Variants in LAMA1 observed in about 807,000 individuals in gnomAD.
LAMA1 encodes the protein laminin subunit alpha 1.
LAMA1 carries 219 observed loss-of-function variants against 348.7 expected under a neutral mutation model. The observed-to-expected ratio is 0.63, with a 90% CI of 0.56 to 0.70. LAMA1 has a LOEUF of 0.70. LAMA1 is among the 30% of genes least tolerant of loss of function. LAMA1 has a pLI of 0.00. For synonymous variants in LAMA1, 1,487 were observed against 1,491.0 expected, an observed-to-expected ratio of 1.00 and a Z score of 0.06; for missense variants, 3,744 against 3,888.0, an observed-to-expected ratio of 0.96 and a Z score of 0.99.
intron 7 of LAMA1, among the ~76,000 whole-genome samples, chr18:7,044,130 T>G (rs370821662): frequency 3.2e-4 from 40 of 123,560 alleles, no homozygotes; most frequent in African/African-American, 1.3e-3. Flanking sequence ...GCCACTGCAC[T>G]CCAGCGTAGG....
At chr18:6,997,120 G>A (rs1040617396) in intron 33 of LAMA1, among the ~76,000 whole-genome samples, 7 of 152,092 alleles carry the variant, frequency 4.6e-5, no homozygotes, top group African/African-American at 1.7e-4. Flanking sequence ...CTGGAGTGCA[G>A]TGGTGTGATC....
Position 6,986,231 on chromosome 18 carries a change from T to G in LAMA1, c.5285A>C (p.Lys1762Thr), listed in dbSNP as rs775323821. ...TTCCCTCACGAGCGCCTCAGCCGCCTTTAGTTCATTGTTGTGCTTTGAAAG... is the reference window on the plus strand; with the variant it reads ...TTCCCTCACGAGCGCCTCAGCCGCCGTTAGTTCATTGTTGTGCTTTGAAAG... Reference protein sequence around the residue: ...HVLSKHNNELKAAEALVREAE... With the variant: ...HVLSKHNNELTAAEALVREAE... Residue 1762 changes from lysine to threonine, a missense_variant, in exon 37 of 63, where the codon AAG (lysine) becomes ACG (threonine). Physicochemically the swap from Lys to Thr is moderately conservative, Grantham distance 78. Around this residue, in one of 3 missense-constraint regions of LAMA1, gnomAD observed 1,983 missense variants for 1,934.3 expected, o/e 1.03. Transcript: ENST00000389658. 1 of 1,614,196 alleles carries G rather than the reference T, an allele frequency of 6.2e-7. No homozygotes were observed. Among genetic ancestry groups the G allele is most frequent in the South Asian group, 1.1e-5 (1 of 91,088 alleles).
In LAMA1 at chr18:6,977,861, CT is replaced by C; in HGVS notation, c.6210del (p.Val2071SerfsTer15). On this transcript the variant is annotated frameshift_variant, in exon 44 of 63. Coordinates refer to ENST00000389658, the MANE Select transcript of LAMA1 (RefSeq NM_005559.4). LOFTEE classifies it high-confidence loss of function. ...STMATLLAGRKVKDVEIQANL... is the reference protein window; with the variant it reads ...STMATLLAGRXVKDVEIQANL... ...TTGGCTTGAATTTCCACGTCTTTGA[CT>C]TTTCTTCCAGCCAACAGAGCTAACA... 6.2e-7 allele frequency: 1 copy of C among 1,613,116 alleles called. No individual in the cohort carries two copies.
In LAMA1 at chr18:6,986,176, G is replaced by C. The variant is rs757241897; in HGVS notation, c.5340C>G (p.His1780Gln). The change falls in exon 37 of 63, where the codon CAC (histidine) becomes CAG (glutamine). Residue 1780 changes from histidine (H) to glutamine (Q), a missense_variant. By Grantham distance (24) the His-to-Gln change is conservative. This residue lies in a region of LAMA1 where 1,983 missense variants were observed against 1,934.3 expected (regional missense o/e 1.03). Transcript: ENST00000389658. ...EAEAKMQESNHLLLMVNANLR... is the reference protein window; with the variant it reads ...EAEAKMQESNQLLLMVNANLR... ...GATTAGCATTGACCATGAGCAGCAGGTGGTTGCTTTCCTGCATCTTTGCCT... is the reference window on the plus strand; with the variant it reads ...GATTAGCATTGACCATGAGCAGCAGCTGGTTGCTTTCCTGCATCTTTGCCT... The C allele has an allele frequency of 6.2e-7, 1 of 1,614,224 alleles. No homozygotes were observed. Among genetic ancestry groups the C allele is most frequent in the South Asian group, 1.1e-5 (1 of 91,080 alleles).
At chr18:7,098,833 G>A (rs1472908446) in intron 1 of LAMA1, among the ~76,000 whole-genome samples, 2 of 129,170 alleles carry the variant, frequency 1.5e-5, no homozygotes, top group Non-Finnish European at 3.4e-5. Context: ...CGCCCCGTCC[G>A]GGAGGGAGGT....
At chr18:7,059,682 T>G (rs927267513) in intron 3 of LAMA1, among the ~76,000 whole-genome samples, 12 of 152,160 alleles carry the variant, frequency 7.9e-5, no homozygotes, top group Non-Finnish European at 1.5e-4. Flanking sequence ...CTCCGCAGGC[T>G]CTCAGGAAAT....
chr18:7,078,151 T>TA (rs1555664164), intron 3 of LAMA1, among the ~76,000 whole-genome samples: 6 of 150,170 alleles, frequency 4.0e-5, no homozygotes, highest in African/African-American at 1.5e-4. Flanking sequence ...TTTTTTTTGT[T>TA]TTTTATTTTA....
chr18:6,965,635 T>C (rs2057629912), intron 49 of LAMA1: 1 of 591,456 alleles, frequency 1.7e-6, no homozygotes, highest in Admixed American at 3.0e-5. Flanking sequence ...TGAAATGTCA[T>C]CTGTTGTTAC....
At chr18:7,037,137 A>T (rs1422115099) in intron 12 of LAMA1, among the ~76,000 whole-genome samples, 2 of 152,188 alleles carry the variant, frequency 1.3e-5, no homozygotes, top group Non-Finnish European at 2.9e-5. Flanking sequence ...ACGGTACTCA[A>T]AGTGAGGGAG....
intron 3 of LAMA1, among the ~76,000 whole-genome samples, chr18:7,075,147 TTAAG>T (rs746656254): frequency 1.3e-5 from 2 of 152,140 alleles, no homozygotes; most frequent in Non-Finnish European, 2.9e-5. Flanking sequence ...ATTTATAATA[TTAAG>T]TTTTACAACT....
At chr18:6,989,815 C>A (rs1034268492) in intron 36 of LAMA1, among the ~76,000 whole-genome samples, 3 of 152,146 alleles carry the variant, frequency 2.0e-5, no homozygotes, top group African/African-American at 7.2e-5. Flanking sequence ...GCTCCACTCC[C>A]TAACCTTCCT....
rs193284865 is a variant in LAMA1 at position 7,078,814 on chromosome 18, C to T, written c.345+1161G>A. On this transcript the variant is annotated intron_variant, in intron 3 of 62. Transcript: ENST00000389658. ...CCATCCTGGCCAACATAGTGAAATC[C>T]TGTCTACTAAAAACACAAAAAAATT... Among the ~76,000 whole-genome samples the T allele has an allele frequency of 2.9e-3, 445 of 151,872 alleles. 2 individuals carry two copies. The highest frequency in any genetic ancestry group is 0.01 in the African/African-American group (419 of 41,474).
In LAMA1 at chr18:6,958,507, C is replaced by T. The variant is rs1052764503; in HGVS notation, c.7934G>A (p.Gly2645Asp). 12 of 1,614,162 alleles carry T rather than the reference C, an allele frequency of 7.4e-6. No individual in the cohort carries two copies. The highest frequency in any genetic ancestry group is 1.0e-5 in the Non-Finnish European group (12 of 1,180,038). ...ATTGAAGATCAGGTTTTTGATACAG[C>T]CATGGAACGATCTTCTCATTGTGAG... ...SLLTMRRSFH[G>D]CIKNLIFNLE... Residue 2645 changes from glycine (G) to aspartate (D), a missense_variant, in exon 55 of 63, where the codon GGC becomes GAC. Transcript: ENST00000389658.
chr18:7,095,820 G>A (rs1335827722), intron 1 of LAMA1, among the ~76,000 whole-genome samples: 3 of 152,200 alleles, frequency 2.0e-5, no homozygotes, highest in Admixed American at 1.3e-4. Context: ...CTGTATCCCA[G>A]CACTTTGGGA....
chr18:7,046,221 T>G, intron 6 of LAMA1, 57 bp downstream of exon 6: 3 of 1,114,386 alleles, frequency 2.7e-6, no homozygotes, highest in Non-Finnish European at 4.1e-6. Context: ...AATGCAAATA[T>G]TATAGCTACA....
chr18:7,085,665 G>C (rs376287544), intron 1 of LAMA1, among the ~76,000 whole-genome samples: 3 of 151,932 alleles, frequency 2.0e-5, no homozygotes, highest in East Asian at 1.9e-4. Context: ...TGATCCGCCC[G>C]CCTCAGCCTC....
intron 18 of LAMA1, among the ~76,000 whole-genome samples, chr18:7,023,972 A>G (rs8095827): frequency 0.022 from 3,277 of 151,898 alleles, 34 homozygotes; most frequent in Middle Eastern, 0.075. Context: ...CCAAGTAGCT[A>G]GGATTACAGG....
In LAMA1 at chr18:6,950,939, G is replaced by C; in HGVS notation, c.8240C>G (p.Ala2747Gly). 1.9e-6 allele frequency: 3 copies of C among 1,614,116 alleles called. No individual in the cohort carries two copies. The highest frequency in any genetic ancestry group is 2.5e-6 in the Non-Finnish European group (3 of 1,180,014). ...CATGTAGTAAATCAGGCCGCTGGAG[G>C]CGAACGTGCGGATGCTTAGCTCAAC... ...LSVELSIRTFASSGLIYYMAH... is the reference protein window; with the variant it reads ...LSVELSIRTFGSSGLIYYMAH... Residue 2747 changes from alanine (A) to glycine (G), a missense_variant, in exon 58 of 63, where the codon GCC (alanine) becomes GGC (glycine). Ala to Gly is a moderately conservative substitution (Grantham distance 60). Transcript: ENST00000389658.
intron 33 of LAMA1, among the ~76,000 whole-genome samples, chr18:6,995,926 G>A (rs1291152292): frequency 1.3e-5 from 2 of 152,064 alleles, no homozygotes; most frequent in African/African-American, 4.8e-5. Context: ...CTTAAAACTT[G>A]ATGAATACTT....
Sources: gnomAD v4.1 joint callset for allele counts (sites outside exome capture counted in the v4.1 genomes callset) on GRCh38, gnomAD v4.1.1 for gene constraint, gnomAD v4.1.1 regional missense constraint, MANE v1.5 for transcripts, NCBI Gene and HGNC (gene_info 2026-07-23, HGNC 2026-07-21) for gene names.